Variants in TBX1 observed in about 807,000 individuals in gnomAD.
TBX1 encodes T-box transcription factor 1.
In TBX1, 16 loss-of-function variants were observed where a neutral mutation model predicts 40.8. That is an observed-to-expected ratio of 0.39 (90% CI 0.27 to 0.60). The LOEUF (loss-of-function observed/expected upper bound fraction) is 0.60. Among genes scored for constraint, TBX1 ranks in the 20% least tolerant of loss-of-function variants. The pLI, the probability that TBX1 is intolerant of heterozygous loss-of-function variation, is 0.51. For synonymous variants in TBX1, 403 were observed against 336.8 expected (o/e 1.20, Z -2.15); for missense variants, 755 against 728.5 (o/e 1.04, Z -0.42).
At chr22:19,759,355 A>C, upstream of TBX1, 3 of 388,744 alleles carry the variant, frequency 7.7e-6, no homozygotes, top group African/African-American at 2.2e-5. Flanking sequence ...TGACGCCATA[A>C]TCCTCTGGGC....
Position 19,761,708 on chromosome 22 carries a change from C to G in TBX1, c.437+428C>G, listed in dbSNP as rs553113527. Among the ~76,000 whole-genome samples the G allele has an allele frequency of 2.0e-5, 3 of 152,362 alleles. 1 individual carries two copies. In the East Asian group the frequency reaches 5.8e-4, roughly 29 times the overall value. On this transcript the variant is annotated intron_variant, in intron 1 of 6. Transcript: ENST00000649276. The stretch of plus-strand genomic sequence containing the variant: ...ACCTCAAGAAAACTCTGGTTCAGTT[C>G]TGGAGTTCAGTCTATGCGGGCAAGA...
downstream of TBX1, among the ~76,000 whole-genome samples, chr22:19,768,849 C>G (rs116939520): frequency 1.8e-3 from 280 of 152,088 alleles, 5 homozygotes; most frequent in East Asian, 0.052. Context: ...GAGTGTGCAG[C>G]AAACTGGCCT....
At chr22:19,777,219 C>T (rs1937079530) in intron 8 of TBX1, among the ~76,000 whole-genome samples, 1 of 151,080 alleles carries the variant, frequency 6.6e-6, no homozygotes, top group East Asian at 2.0e-4. Flanking sequence ...CCTCCCCCTA[C>T]CCCACAACAG....
rs760701410 is a variant in TBX1 at position 19,766,792 on chromosome 22, A to AGCTGCCGCG, written c.1443_1451dup (p.Ala483_Ala485dup). ...CCGCGGCCGCCGCCGCCGCTGCCGC[A>AGCTGCCGCG]GCTGCCGCGGCCGCCAACATGTACT... On this transcript the variant is annotated inframe_insertion, in exon 7 of 7. Transcript: ENST00000649276. 2.7e-6 allele frequency: 4 copies of AGCTGCCGCG among 1,495,680 alleles called. No individual in the cohort carries two copies. The East Asian group carries it at 1.1e-4, about 41-fold the overall frequency. The allele number at this position is 1,495,680 out of a possible 1,614,324, so 92.7% of individuals were successfully genotyped here.
At chr22:19,775,654 C>A (rs914484983) in intron 8 of TBX1, among the ~76,000 whole-genome samples, 1 of 152,140 alleles carries the variant, frequency 6.6e-6, no homozygotes, top group Non-Finnish European at 1.5e-5. Context: ...ACCACAGGTC[C>A]GGAGCCATGG....
intron 2 of TBX1, 26 bp downstream of exon 2, chr22:19,763,368 G>A (rs1245610962): frequency 1.2e-5 from 19 of 1,607,704 alleles, no homozygotes; most frequent in Non-Finnish European, 1.5e-5. Context: ...TAAGCGTGAG[G>A]GACCGGGAGG....
intron 4 of TBX1, 114 bp from the exon 5 acceptor site, chr22:19,765,644 G>C (rs564116728): frequency 1.8e-5 from 21 of 1,174,606 alleles, no homozygotes; most frequent in African/African-American, 1.7e-4. Context: ...GTTCTTGTCA[G>C]GGCAGCAGAA....
rs899065965 is a variant in TBX1, at chr22:19,765,184, G to C, written c.867+71G>C. The C allele has an allele frequency of 4.4e-5, 70 of 1,608,308 alleles. 2 individuals are homozygous for C. The South Asian group carries it at 6.2e-4, about 14-fold the overall frequency. On this transcript the variant is annotated intron_variant, in intron 4 of 6. Coordinates refer to ENST00000649276, the MANE Select transcript of TBX1 (RefSeq NM_001379200.1). ...AAAGCGGGTGTAATTTTCAGTTGCC[G>C]TTTGGGGACAGTGGGTCCGCTTAGA...
intron 1 of TBX1, among the ~76,000 whole-genome samples, chr22:19,761,630 C>T (rs1936668762): frequency 1.3e-5 from 2 of 152,244 alleles, no homozygotes; most frequent in East Asian, 3.9e-4. Flanking sequence ...CGGCTGGGGG[C>T]AGGCAGCGGC....
upstream of TBX1, chr22:19,759,556 A>C: frequency 3.2e-6 from 5 of 1,573,120 alleles, no homozygotes; most frequent in Non-Finnish European, 4.3e-6. Context: ...CTCTGGTTGC[A>C]GCGGAGGCGG....
intron 8 of TBX1, among the ~76,000 whole-genome samples, chr22:19,776,876 G>A (rs938959723): frequency 5.3e-5 from 8 of 152,008 alleles, no homozygotes; most frequent in East Asian, 3.9e-4. Flanking sequence ...GTGCCGTGCC[G>A]CGTGGCTCTG....
downstream of TBX1, chr22:19,782,891 T>C: frequency 6.2e-7 from 1 of 1,614,002 alleles, no homozygotes; most frequent in South Asian, 1.1e-5. Flanking sequence ...TAGGGATCTG[T>C]TTCCCCTCTC....
At chr22:19,766,314 C>T (rs1936840229) in intron 6 of TBX1, 75 bp from the exon 7 acceptor site, 1 of 1,222,950 alleles carries the variant, frequency 8.2e-7, no homozygotes, top group Non-Finnish European at 1.0e-6. Context: ...TTCTCTCCGC[C>T]AGGGCCTCGC....
At chr22:19,768,850 A>G (rs561800665), downstream of TBX1, among the ~76,000 whole-genome samples, 1 of 152,218 alleles carries the variant, frequency 6.6e-6, no homozygotes, top group East Asian at 1.9e-4. Context: ...AGTGTGCAGC[A>G]AACTGGCCTG....
chr22:19,760,947 G>T lies in TBX1; in HGVS notation c.104G>T (p.Gly35Val). ...SSLSSLGAAGGFPGAASPGAD... is the reference protein window; with the variant it reads ...SSLSSLGAAGVFPGAASPGAD... ...CTGAGCAGCCTGGGGGCCGCGGGGG[G>T]CTTCCCGGGCGCCGCGTCGCCCGGC... The change falls in exon 1 of 7, where the codon GGC (glycine) becomes GTC (valine). Residue 35 changes from glycine (G) to valine (V), a missense_variant. By Grantham distance (109) the Gly-to-Val change is moderately radical. Transcript: ENST00000649276. The T allele has an allele frequency of 1.0e-6, 1 of 1,001,268 alleles. No individual in the cohort carries two copies. The highest frequency in any genetic ancestry group is 1.8e-5 in the African/African-American group (1 of 56,912). The allele number at this position is 1,001,268 out of a possible 1,614,324, so 62.0% of individuals were successfully genotyped here.
Position 19,764,239 on chromosome 22 carries a change from G to T in TBX1, c.624G>T (p.Ser208=). 6.2e-7 allele frequency: 1 copy of T among 1,613,254 alleles called. No individual in the cohort carries two copies. Among genetic ancestry groups the T allele is most frequent in the Non-Finnish European group, 8.5e-7 (1 of 1,179,948 alleles). The change falls in exon 3 of 7, where the codon TCG becomes TCT. Residue 208 remains serine, a synonymous_variant. Coordinates refer to ENST00000649276, the MANE Select transcript of TBX1 (RefSeq NM_001379200.1). ...TPGRVHYHPD[S]PAKGAQWMKQ... Reference sequence around the variant, plus strand: ...GCCGCGTGCACTACCACCCGGACTCGCCTGCCAAGGGCGCGCAGTGGATGA... The same window carrying T: ...GCCGCGTGCACTACCACCCGGACTCTCCTGCCAAGGGCGCGCAGTGGATGA...
In TBX1 at chr22:19,761,551, A is replaced by ACTCG. The variant is rs72646956; in HGVS notation, c.437+273_437+276dup. On this transcript the variant is annotated intron_variant, in intron 1 of 6. Transcript: ENST00000649276. ...CGGGAACGGCGAGGAGCCCCGCGGG[A>ACTCG]CTCGCCCGCCCGCCCCGCAGCCCCA... Among the ~76,000 whole-genome samples the ACTCG allele has an allele frequency of 7.0e-3, 1,064 of 151,628 alleles. 52 individuals carry two copies. In the East Asian group the frequency reaches 0.098, roughly 14 times the overall value.
intron 8 of TBX1, among the ~76,000 whole-genome samples, chr22:19,778,662 T>G (rs1303784172): frequency 6.6e-6 from 1 of 152,194 alleles, no homozygotes; most frequent in Non-Finnish European, 1.5e-5. Context: ...CTCAAACTCC[T>G]GGGCTCAAAT....
chr22:19,778,214 T>C (rs1262339256), intron 8 of TBX1, among the ~76,000 whole-genome samples: 1 of 150,602 alleles, frequency 6.6e-6, no homozygotes. Context: ...TCCTCCTCAG[T>C]CTCCCGAACA....
Sources: gnomAD v4.1 joint callset for allele counts (sites outside exome capture counted in the v4.1 genomes callset) on GRCh38, gnomAD v4.1.1 for gene constraint, MANE v1.5 for transcripts, NCBI Gene and HGNC (gene_info 2026-07-23, HGNC 2026-07-21) for gene names.